The following EDARADD variants were observed in gnomAD, a reference collection of about 807,000 sequenced individuals.
EDARADD encodes the protein ectodysplasin-A receptor-associated adapter protein.
Under a neutral mutation model 25.6 loss-of-function variants are expected in EDARADD, and 20 were observed. That is an observed-to-expected ratio of 0.78 (90% CI 0.55 to 1.14). The LOEUF (loss-of-function observed/expected upper bound fraction) is 1.14. Ranked by LOEUF, EDARADD falls within the 50% of genes most tolerant of loss-of-function variation. The pLI is 0.00. For synonymous variants in EDARADD, 86 were observed against 94.4 expected, an observed-to-expected ratio of 0.91 and a Z score of 0.52; for missense variants, 225 against 270.1, an observed-to-expected ratio of 0.83 and a Z score of 1.17.
intron 4 of EDARADD, among the ~76,000 whole-genome samples, chr1:236,456,264 G>C (rs1434010275): frequency 6.6e-6 from 1 of 152,158 alleles, no homozygotes. Flanking sequence ...CCATCTCCCT[G>C]ATTCCTCTGT....
At chr1:236,407,874 A>G (rs1029907411) in intron 1 of EDARADD, among the ~76,000 whole-genome samples, 3 of 152,238 alleles carry the variant, frequency 2.0e-5, no homozygotes, top group Non-Finnish European at 4.4e-5. Flanking sequence ...CAATGCATCA[A>G]GTGATAAAGT....
Position 236,409,353 on chromosome 1 carries a change from C to G in EDARADD, c.120+79C>G, listed in dbSNP as rs896337805. 3.1e-5 allele frequency: 38 copies of G among 1,210,452 alleles called. 1 individual carries two copies. The highest frequency in any genetic ancestry group is 4.3e-5 in the Non-Finnish European group (35 of 818,290). 75.0% of individuals were successfully genotyped at this position (1,210,452 alleles called of 1,614,324 possible). ...TTGTTATTTCTTTACGTTTTTATTA[C>G]TCAGTATTTACATGTGCATCAGAAA... On this transcript the variant is annotated intron_variant, in intron 2 of 5. Coordinates refer to ENST00000334232, the MANE Select transcript of EDARADD (RefSeq NM_145861.4).
intron 4 of EDARADD, among the ~76,000 whole-genome samples, chr1:236,451,715 A>G (rs958252264): frequency 6.6e-6 from 1 of 152,090 alleles, no homozygotes; most frequent in Non-Finnish European, 1.5e-5. Context: ...GAGCCACCAC[A>G]CCTGGCTCAG....
chr1:236,381,297 C>A (rs943824417), intron 3 of EDARADD, among the ~76,000 whole-genome samples: 1 of 151,812 alleles, frequency 6.6e-6, no homozygotes, highest in Non-Finnish European at 1.5e-5. Flanking sequence ...TAAAGATACA[C>A]CATTCATTTT....
At chr1:236,372,651 G>C (rs922758265) in intron 3 of EDARADD, among the ~76,000 whole-genome samples, 10 of 152,150 alleles carry the variant, frequency 6.6e-5, no homozygotes, top group African/African-American at 2.4e-4. Context: ...TTCATTAAAT[G>C]TTTGGTAAAA....
intron 3 of EDARADD, among the ~76,000 whole-genome samples, chr1:236,378,932 G>A (rs1318782957): frequency 6.6e-6 from 1 of 152,084 alleles, no homozygotes; most frequent in Non-Finnish European, 1.5e-5. Flanking sequence ...TACAGTGTTT[G>A]TAATTGATTA....
intron 3 of EDARADD, among the ~76,000 whole-genome samples, chr1:236,385,408 C>CAA (rs1164948283): frequency 1.1e-4 from 4 of 35,370 alleles, no homozygotes; most frequent in African/African-American, 1.7e-4. Flanking sequence ...GACTCCATCT[C>CAA]AAAAAAAAAA....
At position 236,386,123 on chromosome 1, in the gene EDARADD, C is replaced by G. The variant is rs1169636135; in HGVS notation, c.-5-23093C>G. Among the ~76,000 whole-genome samples, 6 of 34,068 alleles carry G rather than the reference C, an allele frequency of 1.8e-4. 3 individuals carry two copies. The East Asian group carries it at 9.1e-3, about 51-fold the overall frequency. 22.3% of individuals were successfully genotyped at this position (34,068 alleles called of 152,430 possible). On this transcript the variant is annotated intron_variant, in intron 3 of 7. Transcript: ENST00000439430. ...GGAGACGGGGTTTCGCTGTGTTGAC[C>G]GGGCCGGTCTCCAGCCCCTAACCGC...
At chr1:236,457,716 G>C (rs1462607336) in intron 4 of EDARADD, among the ~76,000 whole-genome samples, 1 of 151,650 alleles carries the variant, frequency 6.6e-6, no homozygotes, top group Non-Finnish European at 1.5e-5. Flanking sequence ...CTACTCAGGA[G>C]GCTGAGGCAG....
intron 4 of EDARADD, among the ~76,000 whole-genome samples, chr1:236,428,500 G>A (rs893010267): frequency 1.4e-4 from 21 of 152,022 alleles, no homozygotes; most frequent in African/African-American, 3.9e-4. Flanking sequence ...CCGCCCAGAC[G>A]GGGTGGCGGC....
chr1:236,363,006 A>AATATAT (rs1184705463), intron 3 of EDARADD, among the ~76,000 whole-genome samples: 31 of 42,948 alleles, frequency 7.2e-4, no homozygotes, highest in African/African-American at 2.1e-3. Context: ...AAAAAAAAAA[A>AATATAT]ATATATATAT....
chr1:236,428,850 A>G (rs1236565134), intron 4 of EDARADD, among the ~76,000 whole-genome samples: 1 of 151,912 alleles, frequency 6.6e-6, no homozygotes. Flanking sequence ...GGCAACATTG[A>G]GCACTGAGTG....
intron 3 of EDARADD, among the ~76,000 whole-genome samples, chr1:236,416,568 C>T (rs1054931182): frequency 6.6e-6 from 1 of 152,118 alleles, no homozygotes; most frequent in East Asian, 1.9e-4. Flanking sequence ...TTATAAGTAA[C>T]GTGAATGTGA....
chr1:236,479,897 A>C (rs1012704439), intron 5 of EDARADD, among the ~76,000 whole-genome samples: 2 of 129,304 alleles, frequency 1.5e-5, no homozygotes, highest in African/African-American at 6.0e-5. Context: ...AAAATTTAAA[A>C]ATTGACTGAG....
intron 3 of EDARADD, among the ~76,000 whole-genome samples, chr1:236,363,006 A>T (rs56067471): frequency 0.044 from 1,837 of 41,862 alleles, 54 homozygotes; most frequent in Non-Finnish European, 0.047. Flanking sequence ...AAAAAAAAAA[A>T]ATATATATAT....
At chr1:236,435,422 T>A (rs774025460) in intron 4 of EDARADD, among the ~76,000 whole-genome samples, 6 of 152,238 alleles carry the variant, frequency 3.9e-5, no homozygotes, top group Non-Finnish European at 5.9e-5. Flanking sequence ...CATAATTGTA[T>A]CTTCAATGCC....
chr1:236,363,006 AATATAT>A (rs1184705463), intron 3 of EDARADD, among the ~76,000 whole-genome samples: 28 of 42,946 alleles, frequency 6.5e-4, no homozygotes, highest in East Asian at 1.9e-3. Flanking sequence ...AAAAAAAAAA[AATATAT>A]ATATATATAT....
chr1:236,378,767 T>C (rs1040787603), intron 3 of EDARADD, among the ~76,000 whole-genome samples: 1 of 152,348 alleles, frequency 6.6e-6, no homozygotes. Flanking sequence ...AAGTTTTAGA[T>C]ACACTTTTTC....
At position 236,477,312 on chromosome 1, in the gene EDARADD, G is replaced by A. The variant is rs148023174; in HGVS notation, c.266-4955G>A. ...GAGCAGATCATGAGGTCAGGAAATCGAGACCATCCTGGCTAACAGAGTGAA... is the reference window on the plus strand; with the variant it reads ...GAGCAGATCATGAGGTCAGGAAATCAAGACCATCCTGGCTAACAGAGTGAA... On this transcript the variant is annotated intron_variant, in intron 5 of 5. Coordinates refer to ENST00000334232, the MANE Select transcript of EDARADD (RefSeq NM_145861.4). 2.7e-3 allele frequency among the ~76,000 whole-genome samples: 414 copies of A among 152,012 alleles called. 2 individuals are homozygous for A. The highest frequency in any genetic ancestry group is 4.2e-3 in the Non-Finnish European group (284 of 67,970).
Sources: allele counts gnomAD v4.1 joint callset (sites outside exome capture counted in the v4.1 genomes callset), GRCh38; gene constraint gnomAD v4.1.1; transcripts MANE v1.5; gene names NCBI Gene and HGNC (gene_info 2026-07-23, HGNC 2026-07-21).